The following BCKDHB variants were observed in gnomAD, a reference collection of about 807,000 sequenced individuals.
BCKDHB encodes 2-oxoisovalerate dehydrogenase subunit beta, mitochondrial.
A neutral mutation model predicts 48.5 loss-of-function variants in BCKDHB; 41 were observed. That is an observed-to-expected ratio of 0.85 (90% CI 0.66 to 1.10). The LOEUF is 1.10. Among genes scored for constraint, BCKDHB ranks in the 50% least tolerant of loss-of-function variants. The pLI is 0.00. For synonymous variants in BCKDHB, 201 were observed against 174.8 expected (o/e 1.15, Z -1.18); for missense variants, 496 against 494.2 (o/e 1.00, Z -0.03).
chr6:80,334,604 G>A (rs970379124), intron 9 of BCKDHB, among the ~76,000 whole-genome samples: 2 of 150,692 alleles, frequency 1.3e-5, no homozygotes, highest in African/African-American at 2.4e-5. Flanking sequence ...AAGCTTTAAA[G>A]GCTGTGTTGC....
intron 8 of BCKDHB, among the ~76,000 whole-genome samples, chr6:80,264,184 G>T (rs969346422): frequency 1.3e-5 from 2 of 152,082 alleles, no homozygotes; most frequent in Non-Finnish European, 2.9e-5. Context: ...TTGCCCTAGG[G>T]CATTGTGGCA....
At chr6:80,154,788 T>C (rs1771959146) in intron 3 of BCKDHB, among the ~76,000 whole-genome samples, 1 of 152,280 alleles carries the variant, frequency 6.6e-6, no homozygotes, top group Middle Eastern at 3.4e-3. Context: ...ATAAGATTGA[T>C]ATAGTAAGTT....
At chr6:80,407,558 G>A in the BCKDHB span, among the ~76,000 whole-genome samples, 4 of 152,180 alleles carry the variant, frequency 2.6e-5, no homozygotes, top group African/African-American at 9.7e-5. Context: ...AGTTCTTGAA[G>A]ATGTCCTTCA....
At chr6:80,204,095 A>G (rs914669178) in intron 8 of BCKDHB, among the ~76,000 whole-genome samples, 20 of 152,122 alleles carry the variant, frequency 1.3e-4, no homozygotes, top group African/African-American at 4.8e-4. Flanking sequence ...ATATACTGCT[A>G]TAGTATAGGG....
chr6:80,230,824 G>A (rs10943699), intron 8 of BCKDHB, among the ~76,000 whole-genome samples: 55,439 of 152,052 alleles, frequency 0.36, 12,059 homozygotes, highest in East Asian at 0.55. Flanking sequence ...GAACCCACTC[G>A]TGATAAAGTC....
the BCKDHB span, among the ~76,000 whole-genome samples, chr6:80,426,708 A>T: frequency 6.6e-6 from 1 of 152,138 alleles, no homozygotes; most frequent in African/African-American, 2.4e-5. Flanking sequence ...TTTAATCTTT[A>T]AAAAATGTAC....
intron 9 of BCKDHB, among the ~76,000 whole-genome samples, chr6:80,295,635 A>T (rs1262900217): frequency 5.3e-5 from 8 of 152,104 alleles, no homozygotes; most frequent in Non-Finnish European, 7.3e-5. Context: ...AAAAAAAAAA[A>T]AAAGATTCTT....
At chr6:80,360,294 T>G in the BCKDHB span, among the ~76,000 whole-genome samples, 2 of 152,202 alleles carry the variant, frequency 1.3e-5, no homozygotes, top group African/African-American at 4.8e-5. Flanking sequence ...TCCAAAGCCC[T>G]AGAACATCAG....
chr6:80,208,362 A>G (rs1774766033), intron 8 of BCKDHB, among the ~76,000 whole-genome samples: 1 of 151,778 alleles, frequency 6.6e-6, no homozygotes, highest in Non-Finnish European at 1.5e-5. Flanking sequence ...CTGTAAATAT[A>G]TAAATTTAGG....
chr6:80,115,794 G>T (rs952539346), intron 1 of BCKDHB, among the ~76,000 whole-genome samples: 1 of 151,846 alleles, frequency 6.6e-6, no homozygotes, highest in Non-Finnish European at 1.5e-5. Flanking sequence ...CTGCCACCAC[G>T]CCTGGCTAAT....
intron 6 of BCKDHB, among the ~76,000 whole-genome samples, chr6:80,199,256 A>C (rs539729221): frequency 3.9e-5 from 6 of 152,178 alleles, no homozygotes; most frequent in African/African-American, 1.4e-4. Flanking sequence ...TGCCAGAAAG[A>C]GTGAGAGCCG....
At chr6:80,228,161 G>A (rs763914481) in intron 8 of BCKDHB, among the ~76,000 whole-genome samples, 81 of 152,326 alleles carry the variant, frequency 5.3e-4, no homozygotes, top group Non-Finnish European at 8.7e-4. Flanking sequence ...GACCAAGAAG[G>A]CAGTCATGCT....
At chr6:80,278,981 G>T (rs1283708994) in intron 9 of BCKDHB, among the ~76,000 whole-genome samples, 3 of 152,122 alleles carry the variant, frequency 2.0e-5, no homozygotes, top group Non-Finnish European at 2.9e-5. Flanking sequence ...GTAATAAAAT[G>T]ATTATCTGGA....
chr6:80,134,640 G>A (rs1770793619), intron 3 of BCKDHB, among the ~76,000 whole-genome samples: 1 of 151,984 alleles, frequency 6.6e-6, no homozygotes, highest in African/African-American at 2.4e-5. Flanking sequence ...ACATTTAGAG[G>A]TTTTTTTGAA....
intron 8 of BCKDHB, among the ~76,000 whole-genome samples, chr6:80,238,055 G>A (rs1166251898): frequency 1.3e-5 from 2 of 151,952 alleles, no homozygotes; most frequent in Admixed American, 6.6e-5. Flanking sequence ...TCCCTCCTTC[G>A]CTTCCTTCCT....
intron 6 of BCKDHB, among the ~76,000 whole-genome samples, chr6:80,174,704 G>C (rs916209418): frequency 2.6e-5 from 4 of 152,114 alleles, no homozygotes; most frequent in Non-Finnish European, 4.4e-5. Context: ...TTATCTTCCA[G>C]GTCCTGGACA....
chr6:80,315,893 G>T (rs891146132), intron 9 of BCKDHB, among the ~76,000 whole-genome samples: 4 of 152,172 alleles, frequency 2.6e-5, no homozygotes, highest in African/African-American at 4.8e-5. Flanking sequence ...CATATAGTAA[G>T]CACAGAATAA....
chr6:80,445,361 C>T, the BCKDHB span, among the ~76,000 whole-genome samples: 1 of 152,086 alleles, frequency 6.6e-6, no homozygotes, highest in Non-Finnish European at 1.5e-5. Context: ...TCAGATAGAT[C>T]TGGGTTTGTT....
chr6:80,382,326 A>T, the BCKDHB span, among the ~76,000 whole-genome samples: 2 of 150,358 alleles, frequency 1.3e-5, no homozygotes, highest in Non-Finnish European at 2.9e-5. Flanking sequence ...AGAGCATTGA[A>T]ATAACAAATG....
Sources: gnomAD v4.1 joint callset for allele counts (sites outside exome capture counted in the v4.1 genomes callset) on GRCh38, gnomAD v4.1.1 for gene constraint, MANE v1.5 for transcripts, NCBI Gene and HGNC (gene_info 2026-07-23, HGNC 2026-07-21) for gene names.